The following ZBBX variants were observed in gnomAD, a reference collection of about 807,000 sequenced individuals.
ZBBX encodes the protein zinc finger B-box domain containing.
A neutral mutation model predicts 108.5 loss-of-function variants in ZBBX; 101 were observed. The ratio of observed to expected loss-of-function variants is 0.93; its 90% confidence interval spans 0.79 to 1.10. The LOEUF (loss-of-function observed/expected upper bound fraction) is 1.10, where lower values mean the gene tolerates loss of function less well. ZBBX is among the 50% of genes least tolerant of loss of function. The pLI, the probability that ZBBX is intolerant of heterozygous loss-of-function variation, is 0.00. For missense variants in ZBBX, 1,009 were observed against 941.4 expected, an observed-to-expected ratio of 1.07 and a Z score of -0.94; for synonymous variants, 356 against 323.4, an observed-to-expected ratio of 1.10 and a Z score of -1.08.
intron 9 of ZBBX, among the ~76,000 whole-genome samples, chr3:167,338,319 G>A (rs1387671474): frequency 6.6e-6 from 1 of 152,080 alleles, no homozygotes; most frequent in Admixed American, 6.6e-5. Context: ...AGTAAAGAGG[G>A]TTGATATTTT....
chr3:167,405,842 G>A (rs1347229553), intron 1 of ZBBX, among the ~76,000 whole-genome samples: 1 of 152,122 alleles, frequency 6.6e-6, no homozygotes, highest in African/African-American at 2.4e-5. Flanking sequence ...GAGGCTGAGG[G>A]GTGGATCACT....
intron 2 of ZBBX, among the ~76,000 whole-genome samples, chr3:167,375,244 T>C (rs1205389209): frequency 6.6e-6 from 1 of 152,226 alleles, no homozygotes; most frequent in Non-Finnish European, 1.5e-5. Context: ...ATTTCAACGA[T>C]GCAACCACTG....
At chr3:167,264,464 T>C (rs1369516391) in intron 20 of ZBBX, among the ~76,000 whole-genome samples, 1 of 152,216 alleles carries the variant, frequency 6.6e-6, no homozygotes, top group Admixed American at 6.5e-5. Flanking sequence ...ACTGATTACA[T>C]AAACAAAGAA....
chr3:167,221,600 T>G, the ZBBX span, among the ~76,000 whole-genome samples: 79 of 152,010 alleles, frequency 5.2e-4, no homozygotes, highest in African/African-American at 1.8e-3. Flanking sequence ...TCTAGGACAT[T>G]GTACTGGCAA....
At chr3:167,310,629 T>C (rs181773353) in intron 16 of ZBBX, among the ~76,000 whole-genome samples, 1 of 152,100 alleles carries the variant, frequency 6.6e-6, no homozygotes, top group East Asian at 1.9e-4. Context: ...TCATCAGAGC[T>C]CACGAGGACT....
chr3:167,326,889 GT>G (rs1169454066), intron 11 of ZBBX, among the ~76,000 whole-genome samples: 3 of 151,860 alleles, frequency 2.0e-5, no homozygotes, highest in Non-Finnish European at 4.4e-5. Flanking sequence ...AGTCAGAAGA[GT>G]TTCTCCAATG....
At chr3:167,187,702 C>G in the ZBBX span, among the ~76,000 whole-genome samples, 2 of 152,132 alleles carry the variant, frequency 1.3e-5, no homozygotes, top group African/African-American at 4.8e-5. Context: ...ATGAGCCCAA[C>G]AAATATGTCT....
the ZBBX span, among the ~76,000 whole-genome samples, chr3:167,193,224 G>T: frequency 1.3e-5 from 2 of 152,100 alleles, no homozygotes; most frequent in Non-Finnish European, 2.9e-5. Context: ...ACCCAGATTT[G>T]CCTCAGTTCT....
At chr3:167,386,795 C>T (rs1205679186) in intron 1 of ZBBX, among the ~76,000 whole-genome samples, 1 of 151,988 alleles carries the variant, frequency 6.6e-6, no homozygotes, top group Non-Finnish European at 1.5e-5. Flanking sequence ...GAGATTTATG[C>T]ACTGTTTGCT....
chr3:167,258,972 T>G (rs1167233748), intron 20 of ZBBX, among the ~76,000 whole-genome samples: 1 of 152,222 alleles, frequency 6.6e-6, no homozygotes, highest in East Asian at 1.9e-4. Flanking sequence ...GGTATTAGGG[T>G]GATGCTGGCT....
intron 17 of ZBBX, among the ~76,000 whole-genome samples, chr3:167,304,687 A>G (rs1049620871): frequency 1.3e-5 from 2 of 152,072 alleles, no homozygotes; most frequent in African/African-American, 4.8e-5. Context: ...CAAGATATCT[A>G]TTTTCCAGGT....
At chr3:167,368,782 C>T in intron 4 of ZBBX, 1 of 1,193,424 alleles carries the variant, frequency 8.4e-7, no homozygotes, top group African/African-American at 1.6e-5. Context: ...AAATCTTAGA[C>T]TTTTGTTTTA....
intron 20 of ZBBX, among the ~76,000 whole-genome samples, chr3:167,273,085 C>A (rs1469438048): frequency 1.3e-5 from 2 of 152,202 alleles, no homozygotes; most frequent in African/African-American, 4.8e-5. Flanking sequence ...ATTAATCCTT[C>A]ATTCTCTTCA....
At chr3:167,360,526 ATTTATGTTG>A in intron 7 of ZBBX, 140 bp downstream of exon 7, 1 of 412,228 alleles carries the variant, frequency 2.4e-6, no homozygotes. Context: ...CCCGAATAAA[ATTTATGTTG>A]AAAATCAATG....
Position 167,314,150 on chromosome 3 carries a change from T to A in ZBBX, c.1275-34A>T, listed in dbSNP as rs766312165. The A allele has an allele frequency of 8.6e-6, 13 of 1,514,858 alleles. No homozygotes were observed. The East Asian group carries it at 2.4e-4, about 28-fold the overall frequency. 93.8% of individuals were successfully genotyped at this position (1,514,858 alleles called of 1,614,324 possible). ...TGTAGGAACAAACAAAATAATAGAG[T>A]TGAAAAAATGATTTTAAAAAGAAAA... is the stretch of plus-strand genomic sequence containing the variant. On this transcript the variant is annotated intron_variant, in intron 15 of 21. Coordinates refer to ENST00000675490, the MANE Select transcript of ZBBX (RefSeq NM_001199201.2).
intron 2 of ZBBX, among the ~76,000 whole-genome samples, 183 bp from the exon 3 acceptor site, chr3:167,373,970 A>G (rs937272815): frequency 1.3e-5 from 2 of 152,232 alleles, no homozygotes; most frequent in African/African-American, 4.8e-5. Context: ...GTCAACTAAA[A>G]GTGAAGGATA....
the ZBBX span, among the ~76,000 whole-genome samples, chr3:167,218,872 G>A: frequency 6.6e-6 from 1 of 151,986 alleles, no homozygotes; most frequent in Non-Finnish European, 1.5e-5. Flanking sequence ...ATAATCTTTT[G>A]CCTACAAGAA....
At chr3:167,262,752 A>AT (rs1352264454) in intron 20 of ZBBX, among the ~76,000 whole-genome samples, 1 of 152,166 alleles carries the variant, frequency 6.6e-6, no homozygotes, top group Non-Finnish European at 1.5e-5. Context: ...TTATTGTTAT[A>AT]TAATTGCCAT....
At chr3:167,372,502 T>C (rs1746313875) in intron 4 of ZBBX, among the ~76,000 whole-genome samples, 1 of 152,136 alleles carries the variant, frequency 6.6e-6, no homozygotes, top group Admixed American at 6.5e-5. Context: ...CTGGTTAGGG[T>C]CTCTTATCCT....
Sources: gnomAD v4.1 joint callset for allele counts (sites outside exome capture counted in the v4.1 genomes callset) on GRCh38, gnomAD v4.1.1 for gene constraint, MANE v1.5 for transcripts, NCBI Gene and HGNC (gene_info 2026-07-23, HGNC 2026-07-21) for gene names.